The following COL21A1 variants were observed in gnomAD, a reference collection of about 807,000 sequenced individuals.
COL21A1 encodes the protein collagen alpha-1(XXI) chain.
COL21A1 carries 149 observed loss-of-function variants against 137.9 expected under a neutral mutation model. That is an observed-to-expected ratio of 1.08 (90% CI 0.95 to 1.24). COL21A1 has a LOEUF of 1.24. Ranked by LOEUF, COL21A1 falls within the 50% of genes most tolerant of loss-of-function variation. COL21A1 has a pLI of 0.00. For synonymous variants in COL21A1, 456 were observed against 391.5 expected (o/e 1.16, Z -1.95); for missense variants, 1,167 against 1,158.4 (o/e 1.01, Z -0.11).
At chr6:56,063,941 T>C (rs1199646309) in intron 24 of COL21A1, among the ~76,000 whole-genome samples, 1 of 152,086 alleles carries the variant, frequency 6.6e-6, no homozygotes, top group Non-Finnish European at 1.5e-5. Flanking sequence ...GCAGCAAACA[T>C]GCTATCTAAG....
chr6:56,192,631 A>G (rs1021413057), intron 1 of COL21A1, among the ~76,000 whole-genome samples: 17 of 152,352 alleles, frequency 1.1e-4, no homozygotes, highest in African/African-American at 4.1e-4. Flanking sequence ...CAAAACCACA[A>G]TGAGATACCA....
At chr6:56,108,640 C>T (rs1252084438) in intron 16 of COL21A1, among the ~76,000 whole-genome samples, 2 of 151,652 alleles carry the variant, frequency 1.3e-5, no homozygotes, top group Non-Finnish European at 3.0e-5. Flanking sequence ...CAAAAATGCA[C>T]GAATAATAGG....
At chr6:56,287,351 T>C (rs1478598854) in intron 1 of COL21A1, among the ~76,000 whole-genome samples, 1 of 152,166 alleles carries the variant, frequency 6.6e-6, no homozygotes, top group African/African-American at 2.4e-5. Flanking sequence ...GGATGATATG[T>C]TTGGCTCTGT....
intron 1 of COL21A1, among the ~76,000 whole-genome samples, chr6:56,273,850 G>A (rs1435497121): frequency 4.6e-5 from 7 of 152,068 alleles, no homozygotes; most frequent in Non-Finnish European, 1.0e-4. Flanking sequence ...ATTCAAGGAG[G>A]AGGAGGGGCT....
Position 56,170,859 on chromosome 6 carries a change from A to G in COL21A1, c.816T>C (p.Val272=). The G allele has an allele frequency of 1.2e-6, 2 of 1,608,742 alleles. No individual in the cohort carries two copies. Among genetic ancestry groups the G allele is most frequent in the Non-Finnish European group, 1.7e-6 (2 of 1,177,066 alleles). Residue 272 remains valine (V), a synonymous_variant, in exon 5 of 30, where the codon GTT becomes GTC. Transcript: ENST00000244728. The part of the protein sequence containing the change: ...KVDLSELTSN[V]FPEGLPPSYV... Reference sequence around the variant, plus strand: ...ATGATGGAGGAAGACCTTCTGGGAAAACATTGCTAGAAAAAGAAGAGCAAG... The same window carrying G: ...ATGATGGAGGAAGACCTTCTGGGAAGACATTGCTAGAAAAAGAAGAGCAAG...
chr6:56,252,579 TA>T (rs1782879266), upstream of COL21A1, among the ~76,000 whole-genome samples: 1 of 152,208 alleles, frequency 6.6e-6, no homozygotes, highest in South Asian at 2.1e-4. Context: ...TTAGCATCTT[TA>T]AAGGATACCA....
chr6:56,094,391 C>G (rs141206208), intron 17 of COL21A1, among the ~76,000 whole-genome samples: 76 of 152,242 alleles, frequency 5.0e-4, no homozygotes, highest in African/African-American at 1.7e-3. Flanking sequence ...GTTGATGATG[C>G]TATACATATT....
At chr6:56,075,338 A>T in intron 19 of COL21A1, 141 bp downstream of exon 19, 1 of 648,450 alleles carries the variant, frequency 1.5e-6, no homozygotes, top group Non-Finnish European at 2.6e-6. Flanking sequence ...TATGTTTCAT[A>T]CAACAGAATG....
intron 1 of COL21A1, among the ~76,000 whole-genome samples, chr6:56,211,978 C>T (rs1158516358): frequency 2.0e-5 from 3 of 151,954 alleles, no homozygotes; most frequent in Admixed American, 1.3e-4. Context: ...TAAATTGTGA[C>T]GTAGGCACTG....
At chr6:56,158,241 C>T (rs1244411751) in intron 9 of COL21A1, among the ~76,000 whole-genome samples, 6 of 132,382 alleles carry the variant, frequency 4.5e-5, no homozygotes, top group Non-Finnish European at 8.0e-5. Flanking sequence ...ATTCTTCACT[C>T]GTGGGTTTTT....
intron 24 of COL21A1, among the ~76,000 whole-genome samples, chr6:56,063,207 A>G (rs1675949974): frequency 6.6e-6 from 1 of 152,150 alleles, no homozygotes; most frequent in South Asian, 2.1e-4. Context: ...TTTCCTTGAG[A>G]AGTGAAAAAG....
At chr6:56,241,179 C>T (rs1284732597) in intron 1 of COL21A1, among the ~76,000 whole-genome samples, 1 of 152,128 alleles carries the variant, frequency 6.6e-6, no homozygotes, top group African/African-American at 2.4e-5. Context: ...CAAGGCCTTT[C>T]GGAGGTAATT....
intron 9 of COL21A1, among the ~76,000 whole-genome samples, chr6:56,160,969 T>C (rs1776156227): frequency 6.6e-6 from 1 of 152,154 alleles, no homozygotes; most frequent in African/African-American, 2.4e-5. Flanking sequence ...ACCTATTCCA[T>C]TCTCGAAAAT....
chr6:56,270,122 G>T (rs927341684), intron 1 of COL21A1, among the ~76,000 whole-genome samples: 7 of 152,144 alleles, frequency 4.6e-5, no homozygotes, highest in African/African-American at 1.7e-4. Flanking sequence ...AAGACATAGA[G>T]TGGCAAGCTA....
chr6:56,265,198 T>C (rs1446775693), intron 1 of COL21A1, among the ~76,000 whole-genome samples: 1 of 152,208 alleles, frequency 6.6e-6, no homozygotes, highest in Non-Finnish European at 1.5e-5. Flanking sequence ...GAGTTTGCCA[T>C]GGGTCAAGTG....
chr6:56,194,243 A>G (rs1778883802), intron 1 of COL21A1, among the ~76,000 whole-genome samples: 1 of 152,214 alleles, frequency 6.6e-6, no homozygotes, highest in South Asian at 2.1e-4. Flanking sequence ...TATAATTTAA[A>G]TTGACAATCA....
chr6:56,221,946 T>C (rs946944273), intron 1 of COL21A1, among the ~76,000 whole-genome samples: 2 of 152,142 alleles, frequency 1.3e-5, no homozygotes, highest in Admixed American at 6.6e-5. Flanking sequence ...TTGCTTTTTA[T>C]TCTTTGGCCA....
At chr6:56,278,634 T>C (rs1314773039) in intron 1 of COL21A1, among the ~76,000 whole-genome samples, 1 of 152,252 alleles carries the variant, frequency 6.6e-6, no homozygotes, top group Non-Finnish European at 1.5e-5. Flanking sequence ...TACAAAGCTC[T>C]TTCACATCTG....
chr6:56,392,002 T>A (rs540244920), intron 1 of COL21A1, among the ~76,000 whole-genome samples: 1 of 152,276 alleles, frequency 6.6e-6, no homozygotes, highest in African/African-American at 2.4e-5. Flanking sequence ...CCAAATTTGT[T>A]CTGTGAGGCC....
Sources: allele counts gnomAD v4.1 joint callset (sites outside exome capture counted in the v4.1 genomes callset), GRCh38; gene constraint gnomAD v4.1.1; transcripts MANE v1.5; gene names NCBI Gene and HGNC (gene_info 2026-07-23, HGNC 2026-07-21).